The following KAT6B variants were observed in gnomAD, a reference collection of about 807,000 sequenced individuals.
KAT6B encodes the protein histone acetyltransferase KAT6B.
Under a neutral mutation model 187.5 loss-of-function variants are expected in KAT6B, and 10 were observed. The observed-to-expected ratio is 0.05, with a 90% CI of 0.03 to 0.09. The LOEUF (loss-of-function observed/expected upper bound fraction) is 0.09. Among genes scored for constraint, KAT6B ranks in the 10% least tolerant of loss-of-function variants. The pLI, the probability that KAT6B is intolerant of heterozygous loss-of-function variation, is 1.00. For missense variants in KAT6B, 1,952 were observed against 2,558.9 expected (o/e 0.76, Z 5.12); for synonymous variants, 861 against 926.8 (o/e 0.93, Z 1.29).
chr10:74,918,598 C>A (rs1257276501), intron 3 of KAT6B, among the ~76,000 whole-genome samples: 1 of 151,976 alleles, frequency 6.6e-6, no homozygotes, highest in African/African-American at 2.4e-5. Context: ...CAAAAATTAG[C>A]CAGGTGTGGT....
intron 13 of KAT6B, among the ~76,000 whole-genome samples, chr10:74,995,291 C>G (rs1843356721): frequency 6.6e-6 from 1 of 152,198 alleles, no homozygotes; most frequent in Non-Finnish European, 1.5e-5. Context: ...TTTTCTCCCC[C>G]TTCAGTGTTA....
At chr10:74,921,311 A>G (rs554594749) in intron 3 of KAT6B, among the ~76,000 whole-genome samples, 5 of 152,092 alleles carry the variant, frequency 3.3e-5, no homozygotes, top group African/African-American at 1.2e-4. Flanking sequence ...ACAAGATTTT[A>G]TCATGTTGGC....
At chr10:74,884,112 A>C (rs1589545299) in intron 3 of KAT6B, among the ~76,000 whole-genome samples, 1 of 152,366 alleles carries the variant, frequency 6.6e-6, no homozygotes, top group East Asian at 1.9e-4. Flanking sequence ...TCACATATTC[A>C]TAGACACCTT....
In KAT6B at chr10:75,032,241, CA is replaced by C. The variant is rs777042592; in HGVS notation, c.*1203del. 7.3e-5 allele frequency: 14 copies of C among 191,194 alleles called. No individual in the cohort carries two copies. Among genetic ancestry groups the C allele is most frequent in the East Asian group, 1.7e-4 (2 of 12,002 alleles). The allele number at this position is 191,194 out of a possible 1,614,324, so 11.8% of individuals were successfully genotyped here. ...TCACTTCAAAAAAACAAAAAACAAA[CA>C]AAAAAAAGCTGTACATTTTAACATA... is the stretch of plus-strand genomic sequence containing the variant. On this transcript the variant is annotated 3_prime_UTR_variant, in exon 18 of 18. Coordinates refer to ENST00000287239, the MANE Select transcript of KAT6B (RefSeq NM_012330.4).
intron 4 of KAT6B, among the ~76,000 whole-genome samples, chr10:74,968,053 T>C (rs1360302157): frequency 6.6e-6 from 1 of 152,186 alleles, no homozygotes; most frequent in Non-Finnish European, 1.5e-5. Flanking sequence ...AAATTGCTGT[T>C]CTTTAAAAGT....
At chr10:74,829,310 C>T (rs1840551430) in intron 1 of KAT6B, among the ~76,000 whole-genome samples, 1 of 152,198 alleles carries the variant, frequency 6.6e-6, no homozygotes, top group South Asian at 2.1e-4. Context: ...TAATGTGCTT[C>T]ATAAGCTCTC....
chr10:74,897,115 CAAAT>C (rs1199627888), intron 3 of KAT6B, among the ~76,000 whole-genome samples: 1 of 152,128 alleles, frequency 6.6e-6, no homozygotes, highest in Non-Finnish European at 1.5e-5. Flanking sequence ...TTCTGTTAAA[CAAAT>C]AGCTTTGTGT....
chr10:74,993,303 A>G (rs1349063079), intron 13 of KAT6B, among the ~76,000 whole-genome samples: 1 of 152,180 alleles, frequency 6.6e-6, no homozygotes. Context: ...CTTAGAGAAA[A>G]GCTCTAAGAA....
intron 4 of KAT6B, among the ~76,000 whole-genome samples, chr10:74,966,325 C>A (rs1359917764): frequency 2.6e-5 from 4 of 152,316 alleles, no homozygotes; most frequent in African/African-American, 9.6e-5. Context: ...GATAAACTCC[C>A]CATCTCTAGG....
At position 74,894,133 on chromosome 10, in the gene KAT6B, A is replaced by T. The variant is rs148590571; in HGVS notation, c.621+50655A>T. On this transcript the variant is annotated intron_variant, in intron 3 of 17. Transcript: ENST00000287239. ...AGTCTCCCTCTGTCGCCCAGGCTGG[A>T]GTGCAATGGCACGATCTCGGCTCGC... Among the ~76,000 whole-genome samples the T allele has an allele frequency of 3.3e-3, 507 of 152,140 alleles. 5 individuals carry two copies. Among genetic ancestry groups the T allele is most frequent in the African/African-American group, 0.012 (478 of 41,508 alleles).
At chr10:74,917,967 A>G (rs1847818130) in intron 3 of KAT6B, among the ~76,000 whole-genome samples, 1 of 152,188 alleles carries the variant, frequency 6.6e-6, no homozygotes, top group Admixed American at 6.5e-5. Context: ...ATTACTTTTT[A>G]TTAATAAATA....
intron 3 of KAT6B, among the ~76,000 whole-genome samples, chr10:74,879,490 G>A (rs1404401473): frequency 6.6e-6 from 1 of 152,168 alleles, no homozygotes; most frequent in African/African-American, 2.4e-5. Context: ...ATCAGGGGAG[G>A]ATACTGGAAG....
intron 3 of KAT6B, among the ~76,000 whole-genome samples, chr10:74,933,414 T>C (rs927163437): frequency 6.6e-6 from 1 of 152,174 alleles, no homozygotes; most frequent in Non-Finnish European, 1.5e-5. Context: ...CTGATGGGTT[T>C]TGAGTTTGAG....
chr10:74,885,630 G>T (rs867681541), intron 3 of KAT6B, among the ~76,000 whole-genome samples: 2 of 152,124 alleles, frequency 1.3e-5, no homozygotes, highest in Admixed American at 6.6e-5. Flanking sequence ...CTAGGATAAA[G>T]AAGTGTAGTA....
chr10:74,921,636 C>G (rs1476265276), intron 3 of KAT6B, among the ~76,000 whole-genome samples: 1 of 152,162 alleles, frequency 6.6e-6, no homozygotes, highest in Non-Finnish European at 1.5e-5. Flanking sequence ...CAGTCTCATT[C>G]CCTTCCATAC....
intron 11 of KAT6B, chr10:74,984,469 T>C (rs546967919): frequency 1.3e-5 from 2 of 153,340 alleles, no homozygotes; most frequent in South Asian, 4.1e-4. Context: ...AGAAGTAGAC[T>C]GTAATCATAG....
At chr10:74,985,300 C>A in intron 12 of KAT6B, 59 bp downstream of exon 12, 1 of 1,523,074 alleles carries the variant, frequency 6.6e-7, no homozygotes, top group South Asian at 1.1e-5. Context: ...TGGTAGAGCC[C>A]AATTCTTTGA....
At chr10:74,915,264 A>G (rs1051398535) in intron 3 of KAT6B, among the ~76,000 whole-genome samples, 1 of 152,202 alleles carries the variant, frequency 6.6e-6, no homozygotes, top group Non-Finnish European at 1.5e-5. Context: ...GAATCATTCC[A>G]TAGGCTGATA....
chr10:74,909,041 G>A (rs936213477), intron 3 of KAT6B, among the ~76,000 whole-genome samples: 13 of 152,180 alleles, frequency 8.5e-5, no homozygotes, highest in African/African-American at 2.7e-4. Flanking sequence ...TGAGAAATCT[G>A]AAAAGTAATA....
Sources: allele counts gnomAD v4.1 joint callset (sites outside exome capture counted in the v4.1 genomes callset), GRCh38; gene constraint gnomAD v4.1.1; transcripts MANE v1.5; gene names NCBI Gene and HGNC (gene_info 2026-07-23, HGNC 2026-07-21).